ELN: variants seen among roughly 807,000 people sequenced by gnomAD.
ELN encodes tropoelastin.
In ELN, 65 loss-of-function variants were observed where a neutral mutation model predicts 105.8. The ratio of observed to expected loss-of-function variants is 0.61; its 90% CI spans 0.50 to 0.75. ELN has a LOEUF of 0.75. Ranked by LOEUF, ELN falls within the 30% of genes least tolerant of loss-of-function variation. The pLI, the probability that ELN is intolerant of heterozygous loss-of-function variation, is 0.00. For synonymous variants in ELN, 368 were observed against 389.2 expected, an observed-to-expected ratio of 0.95 and a Z score of 0.64; for missense variants, 882 against 969.4, an observed-to-expected ratio of 0.91 and a Z score of 1.20.
intron 8 of ELN, chr7:74,043,556 G>A: frequency 1.5e-6 from 1 of 657,472 alleles, no homozygotes; most frequent in Non-Finnish European, 2.8e-6. Context: ...CCTTTAGGAA[G>A]TGACTTCAGG....
In ELN at chr7:74,052,106, C is replaced by T. The variant is rs1794186593; in HGVS notation, c.949+123C>T. 3 of 1,099,696 alleles carry T rather than the reference C, an allele frequency of 2.7e-6. No homozygotes were observed. In the African/African-American group the frequency reaches 4.7e-5, roughly 17 times the overall value. The allele number at this position is 1,099,696 out of a possible 1,614,324, so 68.1% of individuals were successfully genotyped here. ...TCCCAAATATGCATTGTTCATGCCT[C>T]CTTACCTTTGCCCCTTCTGATCACT... On this transcript the variant is annotated intron_variant, in intron 17 of 32. Coordinates refer to ENST00000252034, the MANE Select transcript of ELN (RefSeq NM_000501.4).
Position 74,060,449 on chromosome 7 carries a change from T to A in ELN, c.1695T>A (p.Gly565=), listed in dbSNP as rs2132321174. ...VGVGVPGLGV[G]AGVPGLGVGA... is the part of the protein sequence containing the mutation. The stretch of plus-strand genomic sequence containing the variant: ...TCGGCGTCCCTGGACTTGGAGTTGG[T>A]GCTGGTGTTCCTGGACTTGGAGTTG... The change falls in exon 25 of 33, where the codon GGT becomes GGA. Residue 565 remains glycine (G), a synonymous_variant. Coordinates refer to ENST00000252034, the MANE Select transcript of ELN (RefSeq NM_000501.4). 1 of 1,613,780 alleles carries A rather than the reference T, an allele frequency of 6.2e-7. No homozygotes were observed. The highest frequency in any genetic ancestry group is 8.5e-7 in the Non-Finnish European group (1 of 1,179,964).
intron 1 of ELN, among the ~76,000 whole-genome samples, chr7:74,030,008 A>G (rs1788311924): frequency 6.6e-6 from 1 of 152,192 alleles, no homozygotes; most frequent in African/African-American, 2.4e-5. Context: ...TAAAGCAGGC[A>G]TGCCCTAGGC....
At chr7:74,057,111 AC>A (rs1795411034) in intron 21 of ELN, among the ~76,000 whole-genome samples, 1 of 151,992 alleles carries the variant, frequency 6.6e-6, no homozygotes, top group Non-Finnish European at 1.5e-5. Flanking sequence ...GGTGGCGGGC[AC>A]CTATAGTCCC....
rs557037407 is a variant in ELN, at chr7:74,051,553, G to C, written c.800-197G>C. Reference sequence around the variant, plus strand: ...ATACAAGTCCCTTAATGAGTGTGTTGAAATGGACACTTTGGGGGAGAGTCA... The same window carrying C: ...ATACAAGTCCCTTAATGAGTGTGTTCAAATGGACACTTTGGGGGAGAGTCA... On this transcript the variant is annotated intron_variant, in intron 15 of 32. Coordinates refer to ENST00000252034, the MANE Select transcript of ELN (RefSeq NM_000501.4). 1.3e-3 allele frequency among the ~76,000 whole-genome samples: 193 copies of C among 152,188 alleles called. 2 individuals carry two copies. The highest frequency in any genetic ancestry group is 1.3e-3 in the Non-Finnish European group (86 of 68,030).
intron 29 of ELN, 139 bp from the exon 30 acceptor site, chr7:74,065,555 A>C (rs572391132): frequency 4.1e-6 from 4 of 977,364 alleles, no homozygotes; most frequent in Non-Finnish European, 6.1e-6. Context: ...TGGAGGTTGC[A>C]GTGAGCCGGG....
In ELN at chr7:74,069,844, T is replaced by A. The variant is rs1798685121; in HGVS notation, c.*1144T>A. On this transcript the variant is annotated 3_prime_UTR_variant, in exon 33 of 33. Transcript: ENST00000252034. ...CTCTGGATGAAACACACCTTTTTTT[T>A]TAATAAGAAAAGAGAATTAACTGCT... 1 of 201,774 alleles carries A rather than the reference T, an allele frequency of 5.0e-6. No homozygotes were observed. Among genetic ancestry groups the A allele is most frequent in the East Asian group, 7.6e-5 (1 of 13,148 alleles). The allele number at this position is 201,774 out of a possible 1,614,324, so 12.5% of individuals were successfully genotyped here.
At chr7:74,057,794 C>T (rs1795636832) in intron 22 of ELN, 98 bp downstream of exon 22, 2 of 1,393,674 alleles carry the variant, frequency 1.4e-6, no homozygotes, top group Non-Finnish European at 1.0e-6. Flanking sequence ...TCCTTTCCAC[C>T]CCACTTAAGC....
chr7:74,030,587 C>T (rs1788453991), intron 1 of ELN, among the ~76,000 whole-genome samples: 1 of 150,398 alleles, frequency 6.6e-6, no homozygotes, highest in African/African-American at 2.5e-5. Context: ...TAAATTGAGA[C>T]AGGGTCTCGC....
Position 74,043,915 on chromosome 7 carries a change from T to C in ELN, c.464T>C (p.Leu155Pro). The change falls in exon 9 of 33, where the codon CTC becomes CCC. Residue 155 changes from leucine (L) to proline (P), a missense_variant. Physicochemically the swap from Leu to Pro is moderately conservative, Grantham distance 98. Coordinates refer to ENST00000252034, the MANE Select transcript of ELN (RefSeq NM_000501.4). ...GLPGVYPGGV[L>P]PGARFPGVGV... ...CCAGGTGTATACCCAGGTGGCGTGC[T>C]CCCAGGTGAGAGCAAGGAGGGAAAC... 6.2e-7 allele frequency: 1 copy of C among 1,613,990 alleles called. No homozygotes were observed. Among genetic ancestry groups the C allele is most frequent in the Non-Finnish European group, 8.5e-7 (1 of 1,179,970 alleles).
In ELN at chr7:74,063,175, T is replaced by C; in HGVS notation, c.1809T>C (p.Leu603=). 6.2e-7 allele frequency: 1 copy of C among 1,608,766 alleles called. No individual in the cohort carries two copies. Among genetic ancestry groups the C allele is most frequent in the Non-Finnish European group, 8.5e-7 (1 of 1,178,634 alleles). ...CAGGAGCAGCAGTGCCTGGGGTCCT[T>C]GGAGGGCTCGGGGCTCTCGGTGGAG... The part of the protein sequence containing the change: ...AKYGAAVPGV[L]GGLGALGGVG... Residue 603 remains leucine, a synonymous_variant, in exon 27 of 33, where the codon CTT becomes CTC. Transcript: ENST00000252034. This position sits in a 1 kb window ranked among gnomAD's most constrained non-coding sequence, Gnocchi z 4.1.
intron 14 of ELN, 60 bp from the exon 15 acceptor site, chr7:74,048,443 G>A (rs1793078654): frequency 1.2e-6 from 2 of 1,612,730 alleles, no homozygotes; most frequent in Non-Finnish European, 1.7e-6. Context: ...GGGAACAAGT[G>A]GGCTCTGGAG....
chr7:74,055,085 C>T (rs1378589051), intron 19 of ELN, among the ~76,000 whole-genome samples: 1 of 152,218 alleles, frequency 6.6e-6, no homozygotes, highest in Non-Finnish European at 1.5e-5. Flanking sequence ...CTCTCTGCAT[C>T]CAACAAAGGG....
At chr7:74,047,997 A>G (rs1792967668) in intron 13 of ELN, 145 bp from the exon 14 acceptor site, 1 of 1,010,750 alleles carries the variant, frequency 9.9e-7, no homozygotes. Flanking sequence ...AACTCCATAC[A>G]TGTGTTTGTA....
intron 20 of ELN, 47 bp downstream of exon 20, chr7:74,056,482 G>A (rs1554679933): frequency 1.2e-6 from 2 of 1,611,612 alleles, no homozygotes; most frequent in African/African-American, 2.7e-5. Flanking sequence ...AGGGATGGGG[G>A]CTTCTTGTCT....
chr7:74,036,464 C>T (rs1584493084), intron 2 of ELN, 91 bp from the exon 3 acceptor site: 16 of 1,567,034 alleles, frequency 1.0e-5, no homozygotes, highest in Admixed American at 1.7e-5. Flanking sequence ...CGTAGTTAGG[C>T]AGAGGTGGAT....
At chr7:74,049,472 A>T (rs1793394784) in intron 15 of ELN, among the ~76,000 whole-genome samples, 1 of 147,876 alleles carries the variant, frequency 6.8e-6, no homozygotes, top group African/African-American at 2.5e-5. Flanking sequence ...CCATTCATCC[A>T]TCCACCATCT....
chr7:74,035,656 G>T, intron 2 of ELN: 1 of 597,794 alleles, frequency 1.7e-6, no homozygotes, highest in South Asian at 1.8e-5. Context: ...GATTGCTTGA[G>T]GCCAGGAGTT....
intron 8 of ELN, 88 bp from the exon 9 acceptor site, chr7:74,043,791 G>C (rs564793256): frequency 5.8e-6 from 9 of 1,549,252 alleles, no homozygotes; most frequent in Admixed American, 1.9e-5. Context: ...GGGTTTGAGG[G>C]CCTTGGAGCT....
Sources: allele counts gnomAD v4.1 joint callset (sites outside exome capture counted in the v4.1 genomes callset), GRCh38; gene constraint gnomAD v4.1.1; non-coding constraint Gnocchi (gnomAD v3.1); transcripts MANE v1.5; gene names NCBI Gene and HGNC (gene_info 2026-07-23, HGNC 2026-07-21).